MAF: variants seen among roughly 807,000 people sequenced by gnomAD.
The protein encoded by MAF is MAF bZIP transcription factor.
In MAF, 10 loss-of-function variants were observed where a neutral mutation model predicts 22.0. The observed-to-expected ratio is 0.45, with a 90% CI of 0.28 to 0.77. The LOEUF (loss-of-function observed/expected upper bound fraction) is 0.77. Ranked by LOEUF, MAF falls within the 30% of genes least tolerant of loss-of-function variation. MAF has a pLI of 0.12. For synonymous variants in MAF, 337 were observed against 255.8 expected (o/e 1.32, Z -3.03); for missense variants, 544 against 548.4 (o/e 0.99, Z 0.08).
At chr16:79,327,971 T>C in the MAF span, among the ~76,000 whole-genome samples, 2 of 152,378 alleles carry the variant, frequency 1.3e-5, no homozygotes, top group East Asian at 1.9e-4. Context: ...GTTTCCTTAA[T>C]GCATGATAAC....
intron 1 of MAF, among the ~76,000 whole-genome samples, chr16:79,586,988 T>C (rs1016584488): frequency 6.6e-6 from 1 of 152,252 alleles, no homozygotes; most frequent in East Asian, 1.9e-4. Context: ...CGAACAAATA[T>C]GAGCTATGCT....
the MAF span, among the ~76,000 whole-genome samples, chr16:79,214,973 G>A: frequency 6.6e-6 from 1 of 151,976 alleles, no homozygotes; most frequent in Non-Finnish European, 1.5e-5. Context: ...GCCCCCCAAA[G>A]TGCTGGGATT....
the MAF span, among the ~76,000 whole-genome samples, chr16:79,353,857 G>A: frequency 1.3e-5 from 2 of 152,154 alleles, no homozygotes. Context: ...AATGATCATC[G>A]TTAACACCTA....
the MAF span, among the ~76,000 whole-genome samples, chr16:79,383,656 A>G: frequency 1.3e-5 from 2 of 152,244 alleles, no homozygotes; most frequent in East Asian, 1.9e-4. Flanking sequence ...AATTATTTTT[A>G]TTATTATTTT....
At chr16:79,439,137 G>A in the MAF span, among the ~76,000 whole-genome samples, 9,370 of 152,112 alleles carry the variant, frequency 0.062, 352 homozygotes, top group Non-Finnish European at 0.087. Context: ...GCACTGCCTT[G>A]CGTTCATTCA....
chr16:79,566,742 G>A, the MAF span, among the ~76,000 whole-genome samples: 5 of 152,112 alleles, frequency 3.3e-5, no homozygotes, highest in African/African-American at 1.2e-4. Flanking sequence ...AGATGTGCAG[G>A]GCCCTAAGGA....
At chr16:79,421,009 G>C in the MAF span, among the ~76,000 whole-genome samples, 2 of 151,500 alleles carry the variant, frequency 1.3e-5, no homozygotes, top group African/African-American at 4.9e-5. Flanking sequence ...ACTCCAGCCT[G>C]GTGACAGAGC....
the MAF span, among the ~76,000 whole-genome samples, chr16:79,301,419 A>AT: frequency 2.0e-5 from 3 of 152,166 alleles, no homozygotes; most frequent in Admixed American, 6.5e-5. Flanking sequence ...AAGGAAGTGC[A>AT]TTTTTTCCCC....
the MAF span, among the ~76,000 whole-genome samples, chr16:79,256,624 G>A: frequency 2.2e-4 from 34 of 152,262 alleles, 1 homozygote; most frequent in Non-Finnish European, 1.3e-4. Context: ...CATGGACATA[G>A]ATCTTTGGAC....
the MAF span, among the ~76,000 whole-genome samples, chr16:79,543,787 C>T: frequency 1.3e-5 from 2 of 151,524 alleles, no homozygotes; most frequent in Admixed American, 6.6e-5. Context: ...CCGGGGTTCA[C>T]GGCATTCTCC....
chr16:79,512,386 T>C, the MAF span, among the ~76,000 whole-genome samples: 1 of 152,188 alleles, frequency 6.6e-6, no homozygotes, highest in Non-Finnish European at 1.5e-5. Flanking sequence ...TTTGCCCATC[T>C]GCACATGAGC....
At chr16:79,433,278 ATATAT>A in the MAF span, among the ~76,000 whole-genome samples, 567 of 119,666 alleles carry the variant, frequency 4.7e-3, 4 homozygotes, top group African/African-American at 0.015. Context: ...AAAAAAAAAA[ATATAT>A]ATATATATAT....
At chr16:79,248,990 G>C in the MAF span, among the ~76,000 whole-genome samples, 1 of 152,224 alleles carries the variant, frequency 6.6e-6, no homozygotes, top group East Asian at 1.9e-4. Flanking sequence ...AACCCCTGCT[G>C]TGATTTAAGT....
the MAF span, among the ~76,000 whole-genome samples, chr16:79,405,948 C>T: frequency 2.0e-5 from 3 of 152,188 alleles, no homozygotes; most frequent in African/African-American, 4.8e-5. Context: ...ATCTCACTGC[C>T]CACGGCTTCT....
chr16:79,354,674 A>G, the MAF span, among the ~76,000 whole-genome samples: 1 of 152,178 alleles, frequency 6.6e-6, no homozygotes, highest in East Asian at 1.9e-4. Flanking sequence ...TTTTATGCCC[A>G]TTTGTCCAAG....
At chr16:79,534,534 G>C in the MAF span, among the ~76,000 whole-genome samples, 1 of 147,952 alleles carries the variant, frequency 6.8e-6, no homozygotes, top group African/African-American at 2.5e-5. Flanking sequence ...AATACTGCCA[G>C]TACCACCTAC....
At chr16:79,541,952 G>A in the MAF span, among the ~76,000 whole-genome samples, 2 of 151,996 alleles carry the variant, frequency 1.3e-5, no homozygotes, top group African/African-American at 4.8e-5. Flanking sequence ...CAACAAGCCC[G>A]GTTACTACTA....
chr16:79,543,931 C>G, the MAF span, among the ~76,000 whole-genome samples: 194 of 152,074 alleles, frequency 1.3e-3, 1 homozygote, highest in African/African-American at 4.1e-3. Flanking sequence ...CGTGATCCAC[C>G]CGCCTCGGCC....
At chr16:79,590,221 G>A (rs1172191117), downstream of MAF, among the ~76,000 whole-genome samples, 3 of 152,052 alleles carry the variant, frequency 2.0e-5, no homozygotes, top group Admixed American at 1.3e-4. Context: ...GGGGGATGAT[G>A]GGGGGGCATG....
Sources: allele counts gnomAD v4.1 joint callset (sites outside exome capture counted in the v4.1 genomes callset), GRCh38; gene constraint gnomAD v4.1.1; transcripts MANE v1.5; gene names NCBI Gene and HGNC (gene_info 2026-07-23, HGNC 2026-07-21).